CEP126: variants seen among roughly 807,000 people sequenced by gnomAD.
The protein encoded by CEP126 is centrosomal protein 126.
CEP126 carries 74 observed loss-of-function variants against 107.8 expected under a neutral mutation model. The observed-to-expected ratio is 0.69, with a 90% CI of 0.57 to 0.83. CEP126 has a LOEUF of 0.83. Ranked by LOEUF, CEP126 falls within the 40% of genes least tolerant of loss-of-function variation. The probability of loss-of-function intolerance (pLI) is 0.00; values close to 1 mark genes in which losing one functional copy is unlikely to be tolerated. For missense variants in CEP126, 1,237 were observed against 1,281.9 expected, an observed-to-expected ratio of 0.96 and a Z score of 0.53; for synonymous variants, 449 against 446.0, an observed-to-expected ratio of 1.01 and a Z score of -0.08.
At chr11:101,972,352 G>C (rs1470144588) in intron 6 of CEP126, among the ~76,000 whole-genome samples, 2 of 151,964 alleles carry the variant, frequency 1.3e-5, no homozygotes, top group Non-Finnish European at 2.9e-5. Flanking sequence ...TGTGATCCTG[G>C]GAGGCGGAGC....
chr11:101,981,174 A>G (rs148258245), intron 7 of CEP126, among the ~76,000 whole-genome samples: 1 of 152,306 alleles, frequency 6.6e-6, no homozygotes, highest in Non-Finnish European at 1.5e-5. Flanking sequence ...TAAGATAATT[A>G]CCTATCCTTG....
Position 101,915,127 on chromosome 11 carries a change from G to A in CEP126, c.-158G>A, listed in dbSNP as rs1940171726. 1 of 1,121,510 alleles carries A rather than the reference G, an allele frequency of 8.9e-7. No homozygotes were observed. The highest frequency in any genetic ancestry group is 1.8e-5 in the South Asian group (1 of 56,034). 69.5% of individuals were successfully genotyped at this position (1,121,510 alleles called of 1,614,324 possible). A position where few individuals can be genotyped will look rare whatever the true frequency, so the allele number is the denominator to read the frequency against. On this transcript the variant is annotated 5_prime_UTR_variant, in exon 1 of 11. Transcript: ENST00000263468. Reference sequence around the variant, plus strand: ...CGCCGCTACAGGCACCAGTGCCGCTGCGCGGGAGCTAGGGCTGTCGAGGCC... The same window carrying A: ...CGCCGCTACAGGCACCAGTGCCGCTACGCGGGAGCTAGGGCTGTCGAGGCC...
At chr11:101,945,729 G>C (rs1398365067) in intron 3 of CEP126, among the ~76,000 whole-genome samples, 1 of 152,074 alleles carries the variant, frequency 6.6e-6, no homozygotes, top group African/African-American at 2.4e-5. Context: ...ATGGTCATAT[G>C]GTAGCTGCTA....
At chr11:101,935,719 A>G (rs1180205171) in intron 2 of CEP126, among the ~76,000 whole-genome samples, 1 of 152,112 alleles carries the variant, frequency 6.6e-6, no homozygotes, top group Admixed American at 6.6e-5. Flanking sequence ...TTGTAGCATT[A>G]TAGCAGGAAT....
chr11:101,995,639 T>G (rs1213558441), intron 10 of CEP126, among the ~76,000 whole-genome samples: 1 of 152,176 alleles, frequency 6.6e-6, no homozygotes, highest in African/African-American at 2.4e-5. Flanking sequence ...AAGTAGTCAG[T>G]CCAAGTACCC....
rs1941464211 is a variant in CEP126, at chr11:101,998,064, T to G, written c.*421T>G. 1 of 155,912 alleles carries G rather than the reference T, an allele frequency of 6.4e-6. No homozygotes were observed. Among genetic ancestry groups the G allele is most frequent in the South Asian group, 2.0e-4 (1 of 5,044 alleles). 9.7% of individuals were successfully genotyped at this position (155,912 alleles called of 1,614,324 possible). A position where few individuals can be genotyped will look rare whatever the true frequency, so the allele number is the denominator to read the frequency against. On this transcript the variant is annotated 3_prime_UTR_variant, in exon 11 of 11. Coordinates refer to ENST00000263468, the MANE Select transcript of CEP126 (RefSeq NM_020802.4). ...TTAAACCTCTAACTTACTGATAAGA[T>G]GTTTATGAAGTATGGCATATTTTGA...
At chr11:101,917,429 C>T (rs938131958) in intron 1 of CEP126, among the ~76,000 whole-genome samples, 1 of 152,086 alleles carries the variant, frequency 6.6e-6, no homozygotes, top group African/African-American at 2.4e-5. Context: ...GAACATGATA[C>T]TCAGAGGCCA....
At chr11:101,986,748 A>G (rs1941320374) in intron 8 of CEP126, 84 bp from the exon 9 acceptor site, 1 of 903,718 alleles carries the variant, frequency 1.1e-6, no homozygotes, top group South Asian at 1.5e-5. Context: ...ACAGTTAAGC[A>G]TGTATAAGTA....
Position 101,963,780 on chromosome 11 carries a change from A to G in CEP126, c.2745A>G (p.Glu915=), listed in dbSNP as rs1254786939. 6.2e-7 allele frequency: 1 copy of G among 1,614,198 alleles called. No individual in the cohort carries two copies. The highest frequency in any genetic ancestry group is 8.5e-7 in the Non-Finnish European group (1 of 1,180,018). ...LYCTQRSPVC[E]ESYPSVTLRT... is the part of the protein sequence containing the mutation. ...GCACCCAAAGAAGTCCTGTTTGTGAAGAAAGTTATCCGTCTGTGACTCTAA... is the reference window on the plus strand; with the variant it reads ...GCACCCAAAGAAGTCCTGTTTGTGAGGAAAGTTATCCGTCTGTGACTCTAA... The change falls in exon 6 of 11, where the codon GAA becomes GAG. Residue 915 remains glutamate (E), a synonymous_variant. Transcript: ENST00000263468.
chr11:101,956,355 CTCTT>C (rs753179990), intron 4 of CEP126: 12 of 456,394 alleles, frequency 2.6e-5, no homozygotes, highest in South Asian at 1.9e-4. Context: ...CCAGTCCCCA[CTCTT>C]TCTTATGTCA....
chr11:101,953,215 C>T (rs1940836278), intron 4 of CEP126, among the ~76,000 whole-genome samples: 1 of 152,188 alleles, frequency 6.6e-6, no homozygotes, highest in African/African-American at 2.4e-5. Flanking sequence ...AAAACTATAG[C>T]TTTCTAGCAG....
chr11:101,956,316 C>T (rs1272595164), intron 4 of CEP126: 4 of 456,214 alleles, frequency 8.8e-6, no homozygotes, highest in Admixed American at 2.4e-5. Flanking sequence ...TTGAAGCCTT[C>T]CTGTTTATCC....
At chr11:101,979,270 T>A (rs1345198164) in intron 7 of CEP126, among the ~76,000 whole-genome samples, 1 of 152,100 alleles carries the variant, frequency 6.6e-6, no homozygotes, top group African/African-American at 2.4e-5. Context: ...CAAGGGAAAT[T>A]GATAATGATG....
intron 2 of CEP126, among the ~76,000 whole-genome samples, chr11:101,932,323 C>T (rs910020553): frequency 1.3e-5 from 2 of 152,122 alleles, no homozygotes; most frequent in African/African-American, 2.4e-5. Context: ...CACTCCATCC[C>T]TGATTTAGTG....
At chr11:101,956,351 C>T (rs1374979344) in intron 4 of CEP126, 3 of 456,188 alleles carry the variant, frequency 6.6e-6, no homozygotes, top group African/African-American at 6.0e-5. Context: ...TCCACCAGTC[C>T]CCACTCTTTC....
rs943928621 is a variant in CEP126, at chr11:101,963,162, G to A, written c.2127G>A (p.Met709Ile). Residue 709 changes from methionine to isoleucine, a missense_variant, in exon 6 of 11, where the codon ATG becomes ATA. Met to Ile is a conservative substitution (Grantham distance 10). Coordinates refer to ENST00000263468, the MANE Select transcript of CEP126 (RefSeq NM_020802.4). ...TAGGAGGATCTGGAGCAGACCATAT[G>A]CCTTTGAACTGTTTTATACCTTCAG... ...TTLGGSGADH[M>I]PLNCFIPSGY... 2 of 1,613,992 alleles carry A rather than the reference G, an allele frequency of 1.2e-6. No homozygotes were observed. Among genetic ancestry groups the A allele is most frequent in the Admixed American group, 1.7e-5 (1 of 60,018 alleles).
intron 2 of CEP126, among the ~76,000 whole-genome samples, chr11:101,942,660 A>C (rs1940682056): frequency 6.6e-6 from 1 of 151,834 alleles, no homozygotes. Context: ...AAGAAAAAAA[A>C]AGTCATTGGA....
At position 101,962,131 on chromosome 11, in the gene CEP126, A is replaced by T; in HGVS notation, c.1096A>T (p.Asn366Tyr). Residue 366 changes from asparagine to tyrosine, a missense_variant, in exon 6 of 11, where the codon AAT becomes TAT. Transcript: ENST00000263468. ...TVERATNTAN[N>Y]SVPFVSSPPM... ...GGAAAGAGCCACAAATACTGCTAAT[A>T]ATTCAGTACCCTTTGTATCTAGCCC... The T allele has an allele frequency of 6.2e-7, 1 of 1,612,008 alleles. No individual in the cohort carries two copies. Among genetic ancestry groups the T allele is most frequent in the Non-Finnish European group, 8.5e-7 (1 of 1,179,398 alleles).
At chr11:101,946,471 G>A (rs1940737978) in intron 3 of CEP126, among the ~76,000 whole-genome samples, 1 of 152,062 alleles carries the variant, frequency 6.6e-6, no homozygotes, top group Admixed American at 6.5e-5. Context: ...TCACACCACT[G>A]CACTCCAGCC....
Sources: allele counts gnomAD v4.1 joint callset (sites outside exome capture counted in the v4.1 genomes callset), GRCh38; gene constraint gnomAD v4.1.1; transcripts MANE v1.5; gene names NCBI Gene and HGNC (gene_info 2026-07-23, HGNC 2026-07-21).